Variants in SLC4A10 observed in about 807,000 individuals in gnomAD.
The protein encoded by SLC4A10 is solute carrier family 4 member 10.
SLC4A10 carries 42 observed loss-of-function variants against 137.7 expected under a neutral mutation model. The observed-to-expected ratio is 0.30, with a 90% CI of 0.24 to 0.39. The LOEUF (loss-of-function observed/expected upper bound fraction) is 0.39, where lower values mean the gene tolerates loss of function less well. Among genes scored for constraint, SLC4A10 ranks in the 10% least tolerant of loss-of-function variants. SLC4A10 has a pLI of 1.00. For missense variants in SLC4A10, 925 were observed against 1,355.0 expected (o/e 0.68, Z 4.98); for synonymous variants, 474 against 464.1 (o/e 1.02, Z -0.27).
At chr2:161,782,252 G>A (rs1433448024) in intron 2 of SLC4A10, among the ~76,000 whole-genome samples, 1 of 152,020 alleles carries the variant, frequency 6.6e-6, no homozygotes, top group Non-Finnish European at 1.5e-5. Flanking sequence ...TCATCCTGGT[G>A]CACTCACAAG....
chr2:161,985,229 G>A lies in SLC4A10; in HGVS notation c.*2077G>A, dbSNP rs1700670573. On this transcript the variant is annotated 3_prime_UTR_variant, in exon 27 of 27. Coordinates refer to ENST00000446997, the MANE Select transcript of SLC4A10 (RefSeq NM_001178015.2). ...GTTTTTCACAATTAAGAAATGTTAT[G>A]TGGAAATAAATATTTATCCTAACTT... The A allele has an allele frequency of 6.6e-6, 1 of 152,082 alleles. No homozygotes were observed. The highest frequency in any genetic ancestry group is 2.4e-5 in the African/African-American group (1 of 41,438). The allele number at this position is 152,082 out of a possible 1,614,324, so 9.4% of individuals were successfully genotyped here. A position where few individuals can be genotyped will look rare whatever the true frequency, so the allele number is the denominator to read the frequency against.
At chr2:161,662,266 A>G (rs904541461) in intron 1 of SLC4A10, among the ~76,000 whole-genome samples, 15 of 152,200 alleles carry the variant, frequency 9.9e-5, no homozygotes, top group Admixed American at 2.0e-4. Context: ...CATATCCAGA[A>G]CAATCAAACC....
At chr2:161,959,405 C>T (rs1412087258) in intron 21 of SLC4A10, among the ~76,000 whole-genome samples, 1 of 152,160 alleles carries the variant, frequency 6.6e-6, no homozygotes, top group Non-Finnish European at 1.5e-5. Flanking sequence ...AGGGTGTGGA[C>T]AAGGTCCACA....
intron 3 of SLC4A10, among the ~76,000 whole-genome samples, chr2:161,838,100 A>G (rs528900251): frequency 3.9e-5 from 6 of 152,188 alleles, no homozygotes; most frequent in Non-Finnish European, 4.4e-5. Flanking sequence ...GGACTGACTG[A>G]AATATAGGCC....
intron 1 of SLC4A10, among the ~76,000 whole-genome samples, chr2:161,751,063 A>C (rs1559166337): frequency 6.6e-6 from 1 of 151,772 alleles, no homozygotes; most frequent in Non-Finnish European, 1.5e-5. Context: ...CATTTGCATG[A>C]AATATCTTTT....
chr2:161,818,688 A>C (rs1267086784), intron 3 of SLC4A10, among the ~76,000 whole-genome samples: 1 of 152,130 alleles, frequency 6.6e-6, no homozygotes, highest in African/African-American at 2.4e-5. Flanking sequence ...TTAGCATGAA[A>C]GGTTGTTGAA....
chr2:161,880,009 A>G (rs775432472), intron 9 of SLC4A10, among the ~76,000 whole-genome samples: 8 of 152,164 alleles, frequency 5.3e-5, no homozygotes, highest in Non-Finnish European at 8.8e-5. Flanking sequence ...AAAGATAAAA[A>G]AAAGAAAGGA....
At chr2:161,629,647 A>G (rs2033146133) in intron 1 of SLC4A10, among the ~76,000 whole-genome samples, 2 of 151,852 alleles carry the variant, frequency 1.3e-5, no homozygotes, top group Non-Finnish European at 2.9e-5. Flanking sequence ...ATCCACCATT[A>G]TAGTATTATA....
At chr2:161,682,696 A>G (rs2040991670) in intron 1 of SLC4A10, among the ~76,000 whole-genome samples, 1 of 150,456 alleles carries the variant, frequency 6.6e-6, no homozygotes, top group African/African-American at 2.4e-5. Flanking sequence ...TATCTGGAAT[A>G]GGGTGGGGGC....
chr2:161,632,060 A>G (rs2033655694), intron 1 of SLC4A10, among the ~76,000 whole-genome samples: 1 of 151,692 alleles, frequency 6.6e-6, no homozygotes, highest in South Asian at 2.1e-4. Flanking sequence ...TGCCTCCAAC[A>G]TTTATTTGTA....
chr2:161,694,748 A>G (rs374886866), intron 1 of SLC4A10, among the ~76,000 whole-genome samples: 1 of 152,104 alleles, frequency 6.6e-6, no homozygotes, highest in Non-Finnish European at 1.5e-5. Flanking sequence ...TTAAATTGAA[A>G]TGGTAACCAT....
intron 15 of SLC4A10, among the ~76,000 whole-genome samples, chr2:161,938,830 A>G (rs138692548): frequency 0.011 from 1,602 of 152,038 alleles, 17 homozygotes; most frequent in Non-Finnish European, 0.015. Flanking sequence ...TTTCAAGTAC[A>G]TTTTATTGTT....
intron 15 of SLC4A10, among the ~76,000 whole-genome samples, chr2:161,921,505 T>C (rs996475725): frequency 3.3e-5 from 5 of 152,054 alleles, no homozygotes; most frequent in Non-Finnish European, 7.4e-5. Context: ...ACAATGGTAA[T>C]GGGAAGAAAG....
At chr2:161,641,608 C>T (rs888750430) in intron 1 of SLC4A10, among the ~76,000 whole-genome samples, 4 of 151,952 alleles carry the variant, frequency 2.6e-5, no homozygotes, top group Admixed American at 2.0e-4. Flanking sequence ...TATAGTAGTA[C>T]TTTCTATTTA....
At chr2:161,955,715 G>A (rs1695538740) in intron 19 of SLC4A10, among the ~76,000 whole-genome samples, 1 of 152,126 alleles carries the variant, frequency 6.6e-6, no homozygotes, top group African/African-American at 2.4e-5. Flanking sequence ...TGACAAATAT[G>A]CAACAAATAC....
At chr2:161,643,255 T>G (rs1010840540) in intron 1 of SLC4A10, among the ~76,000 whole-genome samples, 4 of 152,094 alleles carry the variant, frequency 2.6e-5, no homozygotes, top group African/African-American at 7.2e-5. Flanking sequence ...TGAATAGAAA[T>G]CAGACTTGAG....
intron 6 of SLC4A10, among the ~76,000 whole-genome samples, chr2:161,869,259 A>G (rs1013094297): frequency 6.6e-6 from 1 of 151,672 alleles, no homozygotes; most frequent in African/African-American, 2.4e-5. Flanking sequence ...CAAGAAAATA[A>G]GAGATGCCCT....
At chr2:161,970,428 T>C (rs1216381027) in intron 23 of SLC4A10, among the ~76,000 whole-genome samples, 1 of 152,256 alleles carries the variant, frequency 6.6e-6, no homozygotes, top group African/African-American at 2.4e-5. Context: ...CAGCATTGTC[T>C]ATTCTATTAG....
intron 11 of SLC4A10, 35 bp from the exon 12 acceptor site, chr2:161,900,871 TAAAAC>T (rs57302863): frequency 0.08 from 112,137 of 1,398,310 alleles, 4,980 homozygotes; most frequent in East Asian, 0.12. Context: ...CACCTGAAAT[TAAAAC>T]AAAACAAAAC....
Sources: allele counts gnomAD v4.1 joint callset (sites outside exome capture counted in the v4.1 genomes callset), GRCh38; gene constraint gnomAD v4.1.1; transcripts MANE v1.5; gene names NCBI Gene and HGNC (gene_info 2026-07-23, HGNC 2026-07-21).